Variants in LARP1B observed in about 807,000 individuals in gnomAD.
LARP1B encodes La ribonucleoprotein 1B, also known as la-related protein 1B.
In LARP1B, 76 loss-of-function variants were observed where a neutral mutation model predicts 114.2. The observed-to-expected ratio is 0.67, with a 90% confidence interval of 0.55 to 0.81. LARP1B has a LOEUF of 0.81. Ranked by LOEUF, LARP1B falls within the 30% of genes least tolerant of loss-of-function variation. The pLI, the probability that LARP1B is intolerant of heterozygous loss-of-function variation, is 0.00. For missense variants in LARP1B, 1,014 were observed against 1,075.8 expected (o/e 0.94, Z 0.80); for synonymous variants, 345 against 348.0 (o/e 0.99, Z 0.10).
At chr4:128,121,756 A>G (rs1468164796) in intron 10 of LARP1B, 70 bp from the exon 11 acceptor site, 5 of 1,118,122 alleles carry the variant, frequency 4.5e-6, no homozygotes, top group African/African-American at 1.6e-5. Context: ...TACTTGTAAC[A>G]CTGTTTTATG....
Position 128,121,925 on chromosome 4 carries a change from C to T in LARP1B, c.1261C>T (p.Gln421Ter). ...LDFLFDEEIE[Q>*]IGRKNTFTDW... ...TTTTTTGTTTGATGAAGAGATTGAACAAATAGGACGAAAAAACACATTTAC... is the reference window on the plus strand; with the variant it reads ...TTTTTTGTTTGATGAAGAGATTGAATAAATAGGACGAAAAAACACATTTAC... Residue 421 changes from glutamine (Q) to a stop codon, truncating the protein, a stop_gained, in exon 11 of 20, where the codon CAA becomes TAA. Transcript: ENST00000326639. LOFTEE classifies it high-confidence loss of function. The T allele has an allele frequency of 6.2e-7, 1 of 1,612,572 alleles. No individual in the cohort carries two copies. Among genetic ancestry groups the T allele is most frequent in the Non-Finnish European group, 8.5e-7 (1 of 1,179,804 alleles).
chr4:128,078,281 G>C (rs1229985454), intron 4 of LARP1B, among the ~76,000 whole-genome samples: 1 of 152,016 alleles, frequency 6.6e-6, no homozygotes, highest in East Asian at 1.9e-4. Flanking sequence ...CCTATATTTA[G>C]GGAGTACTGT....
At chr4:128,107,411 G>A (rs780545112) in intron 9 of LARP1B, 98 bp downstream of exon 9, 7 of 1,529,548 alleles carry the variant, frequency 4.6e-6, no homozygotes, top group Admixed American at 2.1e-5. Flanking sequence ...AGATTTGATA[G>A]GAAAATTAAA....
intron 9 of LARP1B, chr4:128,108,205 A>G: frequency 8.4e-7 from 1 of 1,196,826 alleles, no homozygotes; most frequent in Non-Finnish European, 1.0e-6. Context: ...AAAGTTAATT[A>G]TTATTATTCT....
At chr4:128,140,033 A>G (rs1044299510) in intron 11 of LARP1B, among the ~76,000 whole-genome samples, 1 of 152,226 alleles carries the variant, frequency 6.6e-6, no homozygotes, top group Non-Finnish European at 1.5e-5. Context: ...TTTTAAATGT[A>G]AAATACTGGA....
At chr4:128,068,884 C>G in intron 1 of LARP1B, 3 of 429,908 alleles carry the variant, frequency 7.0e-6, no homozygotes, top group Non-Finnish European at 1.3e-5. Context: ...TGCACTTTAA[C>G]TTTTCTTAAC....
rs74565652 is a variant in LARP1B, at chr4:128,164,305, G to A, written c.1648+1988G>A. On this transcript the variant is annotated intron_variant, in intron 12 of 19. Transcript: ENST00000326639. ...AAGCTTTCTTTAAAGTTCTTAGTGT[G>A]TCCCACTAGGGCTGTTCAGTTAAAT... Among the ~76,000 whole-genome samples, 815 of 152,076 alleles carry A rather than the reference G, an allele frequency of 5.4e-3. 8 individuals are homozygous for A. The highest frequency in any genetic ancestry group is 0.019 in the African/African-American group (776 of 41,504).
downstream of LARP1B, among the ~76,000 whole-genome samples, chr4:128,213,863 G>C (rs1010481071): frequency 6.6e-6 from 1 of 152,060 alleles, no homozygotes; most frequent in Non-Finnish European, 1.5e-5. Flanking sequence ...GCAGAAGACG[G>C]GTGATTTCTG....
intron 11 of LARP1B, among the ~76,000 whole-genome samples, chr4:128,136,165 C>T (rs996447217): frequency 6.6e-5 from 10 of 151,556 alleles, no homozygotes; most frequent in South Asian, 4.2e-4. Flanking sequence ...TGGTGGTGCA[C>T]GCCTGTAATC....
At position 128,199,599 on chromosome 4, in the gene LARP1B, G is replaced by A; in HGVS notation, c.2164G>A (p.Glu722Lys). Residue 722 changes from glutamate (E) to lysine (K), a missense_variant and splice_region_variant, in exon 16 of 20, where the codon GAG becomes AAG. Glu to Lys is a moderately conservative substitution (Grantham distance 56). Coordinates refer to ENST00000326639, the MANE Select transcript of LARP1B (RefSeq NM_018078.4). Reference protein sequence around the residue: ...YHKYRRRCLSERKRLGIGQSQ... With the variant: ...YHKYRRRCLSKRKRLGIGQSQ... ...CAAGTATCGTCGAAGATGCCTAAGT[G>A]GTAAGATGCTTGTCCTTTATCTATC... The A allele has an allele frequency of 6.6e-7, 1 of 1,515,976 alleles. No homozygotes were observed. Among genetic ancestry groups the A allele is most frequent in the Admixed American group, 1.9e-5 (1 of 52,836 alleles). The allele number at this position is 1,515,976 out of a possible 1,614,324, so 93.9% of individuals were successfully genotyped here.
At chr4:128,187,656 A>T (rs967231312) in intron 15 of LARP1B, among the ~76,000 whole-genome samples, 6 of 152,188 alleles carry the variant, frequency 3.9e-5, no homozygotes, top group African/African-American at 1.4e-4. Flanking sequence ...GGAAGACATG[A>T]CTAGATTTTG....
At chr4:128,221,145 A>G (rs1444650584) in intron 7 of LARP1B, among the ~76,000 whole-genome samples, 2 of 152,178 alleles carry the variant, frequency 1.3e-5, no homozygotes, top group African/African-American at 2.4e-5. Context: ...AACATAAATT[A>G]TGTGATAAAT....
intron 7 of LARP1B, among the ~76,000 whole-genome samples, chr4:128,097,399 C>A (rs184360545): frequency 6.6e-6 from 1 of 151,882 alleles, no homozygotes; most frequent in African/African-American, 2.4e-5. Flanking sequence ...TGTTTGCTGC[C>A]CGGGTTCAAG....
In LARP1B at chr4:128,077,771, T is replaced by G. The variant is rs545602904; in HGVS notation, c.43-17T>G. The G allele has an allele frequency of 6.6e-7, 1 of 1,517,992 alleles. No individual in the cohort carries two copies. The highest frequency in any genetic ancestry group is 1.4e-5 in the African/African-American group (1 of 71,538). The allele number at this position is 1,517,992 out of a possible 1,614,324, so 94.0% of individuals were successfully genotyped here. ...AATATTAATGGAAATCATTTCATTCTGAAAACCTTTTTGCAGTTTCAGAGC... is the reference window on the plus strand; with the variant it reads ...AATATTAATGGAAATCATTTCATTCGGAAAACCTTTTTGCAGTTTCAGAGC... On this transcript the variant is annotated splice_polypyrimidine_tract_variant and intron_variant, in intron 3 of 19. Coordinates refer to ENST00000326639, the MANE Select transcript of LARP1B (RefSeq NM_018078.4).
At chr4:128,072,212 G>A (rs1730015009) in intron 1 of LARP1B, among the ~76,000 whole-genome samples, 1 of 152,026 alleles carries the variant, frequency 6.6e-6, no homozygotes, top group Admixed American at 6.6e-5. Flanking sequence ...TGTTGGCCAG[G>A]CTGCTCTCAA....
chr4:128,194,568 A>G (rs186229285), intron 15 of LARP1B, among the ~76,000 whole-genome samples: 1 of 149,560 alleles, frequency 6.7e-6, no homozygotes, highest in African/African-American at 2.4e-5. Flanking sequence ...CTGTAGTCCC[A>G]GCTACTCGGG....
intron 15 of LARP1B, among the ~76,000 whole-genome samples, chr4:128,181,397 C>T (rs1352246831): frequency 6.6e-6 from 1 of 151,894 alleles, no homozygotes; most frequent in South Asian, 2.1e-4. Context: ...AGGCTGGTCT[C>T]CAACTGCTGA....
chr4:128,177,854 G>GAC (rs1746875861), intron 13 of LARP1B, among the ~76,000 whole-genome samples: 1 of 152,066 alleles, frequency 6.6e-6, no homozygotes, highest in South Asian at 2.1e-4. Context: ...CCTGTACAGA[G>GAC]ACATGTTCAG....
chr4:128,107,547 G>A (rs1782528555), intron 9 of LARP1B: 1 of 1,373,002 alleles, frequency 7.3e-7, no homozygotes, highest in Non-Finnish European at 9.5e-7. Context: ...TAAATTATAT[G>A]TGTACTTTGT....
Sources: allele counts gnomAD v4.1 joint callset (sites outside exome capture counted in the v4.1 genomes callset), GRCh38; gene constraint gnomAD v4.1.1; transcripts MANE v1.5; gene names NCBI Gene and HGNC (gene_info 2026-07-23, HGNC 2026-07-21).